The following CEP112 variants were observed in gnomAD, a reference collection of about 807,000 sequenced individuals.
CEP112 encodes the protein centrosomal protein of 112 kDa.
In CEP112, 127 loss-of-function variants were observed where a neutral mutation model predicts 153.0. The ratio of observed to expected loss-of-function variants is 0.83; its 90% CI spans 0.72 to 0.96. The LOEUF (loss-of-function observed/expected upper bound fraction) is 0.96, where lower values mean the gene tolerates loss of function less well. Among genes scored for constraint, CEP112 ranks in the 40% least tolerant of loss-of-function variants. The pLI is 0.00. For synonymous variants in CEP112, 358 were observed against 374.4 expected, an observed-to-expected ratio of 0.96 and a Z score of 0.51; for missense variants, 1,089 against 1,101.2, an observed-to-expected ratio of 0.99 and a Z score of 0.16.
At chr17:65,878,237 T>C (rs1459545902) in intron 20 of CEP112, among the ~76,000 whole-genome samples, 2 of 152,112 alleles carry the variant, frequency 1.3e-5, no homozygotes, top group African/African-American at 2.4e-5. Context: ...GAAGGGAAAC[T>C]GTGAGATGTC....
At chr17:65,705,433 C>A (rs1394266252) in intron 23 of CEP112, among the ~76,000 whole-genome samples, 3 of 152,146 alleles carry the variant, frequency 2.0e-5, no homozygotes, top group Non-Finnish European at 2.9e-5. Context: ...TTTTTTGAGT[C>A]TGTACAATGT....
At chr17:65,902,468 C>A (rs1030345405) in intron 19 of CEP112, 134 bp from the exon 20 acceptor site, 32 of 565,956 alleles carry the variant, frequency 5.7e-5, no homozygotes, top group Non-Finnish European at 8.0e-5. Context: ...ACCTCACCCT[C>A]GAAATACTCT....
Position 66,144,281 on chromosome 17 carries a change from C to G in CEP112, c.471-11518G>C, listed in dbSNP as rs772334393. 1.6e-4 allele frequency among the ~76,000 whole-genome samples: 25 copies of G among 152,296 alleles called. No individual in the cohort carries two copies. The South Asian group carries it at 3.1e-3, about 19-fold the overall frequency. ...ACTTACCTCTTCCTCCAATTCCAGA[C>G]AAGCAGTATTTTCAAGAGTCTCATA... On this transcript the variant is annotated intron_variant, in intron 4 of 26. Transcript: ENST00000535342.
intron 18 of CEP112, among the ~76,000 whole-genome samples, chr17:65,936,817 CCCACGGTCTCCCTCTCCCTCTCTTT>C (rs961810964): frequency 2.9e-5 from 4 of 136,280 alleles, no homozygotes; most frequent in African/African-American, 1.0e-4. Flanking sequence ...TCCCCCTCTC[CCCACGGTCTCCCTCTCCCTCTCTTT>C]CCACGGTCTC....
intron 4 of CEP112, among the ~76,000 whole-genome samples, chr17:66,168,950 C>T (rs1320730646): frequency 6.6e-6 from 1 of 152,134 alleles, no homozygotes; most frequent in African/African-American, 2.4e-5. Flanking sequence ...GTGTGGCATG[C>T]CTCCCTCCTC....
intron 16 of CEP112, among the ~76,000 whole-genome samples, chr17:66,024,907 T>A (rs2065138100): frequency 6.6e-6 from 1 of 152,104 alleles, no homozygotes; most frequent in Non-Finnish European, 1.5e-5. Flanking sequence ...ACTACAAGGT[T>A]ATAGTAACTA....
chr17:65,774,467 C>T (rs1026657156), intron 21 of CEP112, among the ~76,000 whole-genome samples: 3 of 152,126 alleles, frequency 2.0e-5, no homozygotes, highest in East Asian at 1.9e-4. Context: ...AGCTTGGCAG[C>T]GTGTGTTCAA....
At chr17:65,715,763 G>A (rs557875107) in intron 23 of CEP112, among the ~76,000 whole-genome samples, 2 of 152,254 alleles carry the variant, frequency 1.3e-5, no homozygotes, top group African/African-American at 4.8e-5. Context: ...GAAATTTTAA[G>A]TGTAGTGTAG....
chr17:66,186,769 C>T (rs2072952415), intron 1 of CEP112, among the ~76,000 whole-genome samples: 1 of 152,182 alleles, frequency 6.6e-6, no homozygotes, highest in East Asian at 1.9e-4. Flanking sequence ...TTGCTATTTC[C>T]TACTCCACAA....
At chr17:65,661,832 G>C (rs2046399634) in intron 24 of CEP112, 1 of 152,106 alleles carries the variant, frequency 6.6e-6, no homozygotes, top group Non-Finnish European at 1.5e-5. Flanking sequence ...AGGTGAGATG[G>C]AGAAACGGCA....
chr17:66,041,717 T>C (rs2065989952), intron 12 of CEP112, among the ~76,000 whole-genome samples: 1 of 152,058 alleles, frequency 6.6e-6, no homozygotes, highest in South Asian at 2.1e-4. Context: ...CTGGAACAAT[T>C]TGAGCAACAA....
At chr17:66,119,513 T>C (rs148277962) in intron 6 of CEP112, among the ~76,000 whole-genome samples, 3 of 151,886 alleles carry the variant, frequency 2.0e-5, no homozygotes, top group African/African-American at 7.2e-5. Flanking sequence ...CCATTCAATA[T>C]AATATATTTG....
intron 6 of CEP112, among the ~76,000 whole-genome samples, chr17:66,126,161 C>T (rs1418612413): frequency 2.0e-5 from 3 of 152,166 alleles, no homozygotes; most frequent in African/African-American, 7.2e-5. Flanking sequence ...AATTCACAAG[C>T]ACATTCTAGA....
chr17:65,828,210 T>G (rs1419003508), intron 21 of CEP112, among the ~76,000 whole-genome samples: 1 of 152,232 alleles, frequency 6.6e-6, no homozygotes, highest in African/African-American at 2.4e-5. Context: ...TGTTCCCCAG[T>G]ACCTGTTCTT....
At chr17:65,749,001 A>C (rs909855039) in intron 22 of CEP112, among the ~76,000 whole-genome samples, 1 of 152,138 alleles carries the variant, frequency 6.6e-6, no homozygotes, top group African/African-American at 2.4e-5. Context: ...TTAATGTTTT[A>C]ATTTAAACTT....
intron 19 of CEP112, among the ~76,000 whole-genome samples, chr17:65,926,368 C>T (rs544297598): frequency 4.6e-5 from 7 of 152,260 alleles, no homozygotes; most frequent in African/African-American, 1.7e-4. Flanking sequence ...AATCTCCTTC[C>T]CACCCTCCAC....
At chr17:65,871,684 A>G (rs2146509169) in intron 20 of CEP112, among the ~76,000 whole-genome samples, 1 of 152,316 alleles carries the variant, frequency 6.6e-6, no homozygotes, top group South Asian at 2.1e-4. Flanking sequence ...ATGCAGAGAG[A>G]GGAAATCACT....
intron 24 of CEP112, among the ~76,000 whole-genome samples, chr17:65,656,343 A>G (rs1012115084): frequency 7.2e-5 from 11 of 152,216 alleles, no homozygotes; most frequent in Admixed American, 5.2e-4. Context: ...CCCTTTATCA[A>G]TCTGTACCTA....
chr17:65,646,134 A>G (rs184662818), intron 24 of CEP112, among the ~76,000 whole-genome samples: 2 of 152,344 alleles, frequency 1.3e-5, no homozygotes, highest in Admixed American at 1.3e-4. Context: ...GCTAGGCCAT[A>G]GAGAGTAGAA....
Sources: allele counts gnomAD v4.1 joint callset (sites outside exome capture counted in the v4.1 genomes callset), GRCh38; gene constraint gnomAD v4.1.1; transcripts MANE v1.5; gene names NCBI Gene and HGNC (gene_info 2026-07-23, HGNC 2026-07-21).